The following ENOX2 variants were observed in gnomAD, a reference collection of about 807,000 sequenced individuals.
ENOX2 encodes APK1 antigen.
In ENOX2, 36 loss-of-function variants were observed where a neutral mutation model predicts 45.0. The ratio of observed to expected loss-of-function variants is 0.80; its 90% CI spans 0.61 to 1.06. ENOX2 has a LOEUF of 1.06. Ranked by LOEUF, ENOX2 falls within the 50% of genes least tolerant of loss-of-function variation. ENOX2 has a pLI of 0.00. For missense variants in ENOX2, 423 were observed against 462.5 expected (o/e 0.91, Z 0.78); for synonymous variants, 174 against 152.3 (o/e 1.14, Z -1.05).
At chrX:130,741,788 A>G (rs148716026) in intron 3 of ENOX2, among the ~76,000 whole-genome samples, 1,206 of 111,377 alleles carry the variant, frequency 0.011, 25 homozygotes, top group African/African-American at 0.037. Context: ...AGATGGATAC[A>G]CTAATTAAAG....
intron 10 of ENOX2, among the ~76,000 whole-genome samples, chrX:130,648,718 C>A (rs2036311564): frequency 9.1e-6 from 1 of 109,514 alleles, no homozygotes; most frequent in Admixed American, 9.7e-5. Context: ...TTAATGCCCT[C>A]CCTGGGAAGG....
At chrX:130,691,984 T>C (rs2037610794) in intron 4 of ENOX2, among the ~76,000 whole-genome samples, 1 of 113,444 alleles carries the variant, frequency 8.8e-6, no homozygotes, top group South Asian at 3.6e-4. Flanking sequence ...AGCAAACGTA[T>C]TCATTGCATA....
At chrX:130,771,664 T>C (rs1370536933) in intron 3 of ENOX2, among the ~76,000 whole-genome samples, 1 of 111,998 alleles carries the variant, frequency 8.9e-6, no homozygotes, top group Non-Finnish European at 1.9e-5. Context: ...CCAGTTCTAG[T>C]TTTGCCTTTT....
chrX:130,651,772 A>G (rs1216146651), intron 10 of ENOX2, among the ~76,000 whole-genome samples: 2 of 111,827 alleles, frequency 1.8e-5, no homozygotes, highest in African/African-American at 6.5e-5. Context: ...ATCTCTTAGT[A>G]TATGGAGAAG....
intron 10 of ENOX2, among the ~76,000 whole-genome samples, chrX:130,649,043 C>CAAAAAAAAAAA (rs35154919): frequency 2.9e-4 from 2 of 6,799 alleles, no homozygotes; most frequent in African/African-American, 6.2e-4. Context: ...GACTCCATAT[C>CAAAAAAAAAAA]AAAAAAAAAA....
intron 3 of ENOX2, among the ~76,000 whole-genome samples, chrX:130,721,268 G>T (rs976679814): frequency 1.5e-4 from 17 of 111,879 alleles, no homozygotes; most frequent in African/African-American, 5.2e-4. Context: ...TGAGCACACA[G>T]AAGGCAGATA....
intron 3 of ENOX2, among the ~76,000 whole-genome samples, chrX:130,758,953 C>T (rs1462425952): frequency 1.8e-5 from 2 of 110,765 alleles, no homozygotes; most frequent in East Asian, 5.6e-4. Flanking sequence ...TTTATATATC[C>T]TAGATACTAA....
intron 11 of ENOX2, among the ~76,000 whole-genome samples, chrX:130,635,367 G>A (rs1190545115): frequency 8.9e-6 from 1 of 111,769 alleles, no homozygotes; most frequent in Admixed American, 9.5e-5. Flanking sequence ...TCTGGCCAGG[G>A]GTCAGAGTAG....
chrX:130,672,684 T>A (rs1486162229), intron 6 of ENOX2, among the ~76,000 whole-genome samples: 1 of 112,179 alleles, frequency 8.9e-6, no homozygotes, highest in Non-Finnish European at 1.9e-5. Context: ...CATGGTAGCC[T>A]GGAGATAGAT....
intron 3 of ENOX2, among the ~76,000 whole-genome samples, chrX:130,712,478 G>C (rs1326593589): frequency 8.9e-6 from 1 of 111,791 alleles, no homozygotes; most frequent in Non-Finnish European, 1.9e-5. Context: ...TGTGCATTAA[G>C]AGACAAAATG....
chrX:130,723,914 A>G (rs1370923961), intron 3 of ENOX2, among the ~76,000 whole-genome samples: 1 of 111,787 alleles, frequency 8.9e-6, no homozygotes, highest in Non-Finnish European at 1.9e-5. Flanking sequence ...TGTATCAATA[A>G]AAACTTTGAT....
intron 3 of ENOX2, among the ~76,000 whole-genome samples, chrX:130,737,731 T>C (rs2038894829): frequency 9.0e-6 from 1 of 111,678 alleles, no homozygotes; most frequent in Admixed American, 9.5e-5. Context: ...ACTGATAGAA[T>C]CTCAGGACTT....
At chrX:130,650,768 A>C (rs2036378098) in intron 10 of ENOX2, among the ~76,000 whole-genome samples, 1 of 112,003 alleles carries the variant, frequency 8.9e-6, no homozygotes, top group Non-Finnish European at 1.9e-5. Flanking sequence ...GCAATATGAA[A>C]GTATGAAGGC....
chrX:130,901,662 T>C (rs2079145113), intron 2 of ENOX2, 22 bp downstream of exon 2: 1 of 112,372 alleles, frequency 8.9e-6, no homozygotes, highest in Non-Finnish European at 1.9e-5. Context: ...TTCTTGGATT[T>C]AAACTCACAC....
At chrX:130,787,275 T>C (rs774573156) in intron 2 of ENOX2, among the ~76,000 whole-genome samples, 138 of 112,111 alleles carry the variant, frequency 1.2e-3, no homozygotes, top group Non-Finnish European at 1.6e-3. Context: ...TGACTGAGGA[T>C]TTTCCGGAGG....
chrX:130,842,919 G>A (rs1407300376), intron 2 of ENOX2, among the ~76,000 whole-genome samples: 1 of 111,059 alleles, frequency 9.0e-6, no homozygotes, highest in African/African-American at 3.3e-5. Flanking sequence ...TCCTAAAATT[G>A]TATGCAGAAT....
intron 3 of ENOX2, among the ~76,000 whole-genome samples, chrX:130,756,329 G>C (rs775570093): frequency 1.4e-4 from 16 of 112,081 alleles, no homozygotes; most frequent in Non-Finnish European, 2.8e-4. Context: ...TACCCTTCCT[G>C]GGAAGGCTAT....
chrX:130,694,552 TCA>T (rs1320624695), intron 4 of ENOX2, among the ~76,000 whole-genome samples: 2 of 110,283 alleles, frequency 1.8e-5, no homozygotes, highest in Non-Finnish European at 3.8e-5. Context: ...ATTTTATGGT[TCA>T]GTCCTAATAG....
chrX:130,627,833 G>C (rs2035588475), intron 14 of ENOX2, 125 bp downstream of exon 14: 2 of 522,468 alleles, frequency 3.8e-6, no homozygotes, highest in Non-Finnish European at 7.0e-6. Context: ...CACAGTGAGA[G>C]AGCAGGTGAG....
Sources: gnomAD v4.1 joint callset for allele counts (sites outside exome capture counted in the v4.1 genomes callset) on GRCh38, gnomAD v4.1.1 for gene constraint, MANE v1.5 for transcripts, NCBI Gene and HGNC (gene_info 2026-07-23, HGNC 2026-07-21) for gene names.